ST3GAL4: variants seen among roughly 807,000 people sequenced by gnomAD.
ST3GAL4 encodes CMP-N-acetylneuraminate-beta-galactosamide-alpha-2,3-sialyltransferase 4.
Under a neutral mutation model 42.6 loss-of-function variants are expected in ST3GAL4, and 24 were observed. That is an observed-to-expected ratio of 0.56 (90% confidence interval 0.41 to 0.79). The LOEUF is 0.79. Ranked by LOEUF, ST3GAL4 falls within the 30% of genes least tolerant of loss-of-function variation. ST3GAL4 has a pLI of 0.00. For missense variants in ST3GAL4, 311 were observed against 430.8 expected (o/e 0.72, Z 2.46); for synonymous variants, 135 against 163.2 (o/e 0.83, Z 1.32).
At chr11:126,401,166 C>A (rs1953973407) in intron 1 of ST3GAL4, among the ~76,000 whole-genome samples, 1 of 152,036 alleles carries the variant, frequency 6.6e-6, no homozygotes, top group Non-Finnish European at 1.5e-5. Context: ...GAGCTCGAAT[C>A]ATCAGTGTAT....
At chr11:126,360,204 G>A (rs180820357) in intron 1 of ST3GAL4, among the ~76,000 whole-genome samples, 124 of 152,328 alleles carry the variant, frequency 8.1e-4, no homozygotes, top group African/African-American at 2.9e-3. Context: ...GGGGCCAGCC[G>A]GGGTATACCC....
Position 126,413,514 on chromosome 11 carries a change from A to G in ST3GAL4, c.781A>G (p.Thr261Ala). 6.2e-7 allele frequency: 1 copy of G among 1,614,124 alleles called. No individual in the cohort carries two copies. The highest frequency in any genetic ancestry group is 8.5e-7 in the Non-Finnish European group (1 of 1,180,020). The change falls in exon 10 of 11, where the codon ACG (threonine) becomes GCG (alanine). Residue 261 changes from threonine to alanine, a missense_variant. Coordinates refer to ENST00000444328, the MANE Select transcript of ST3GAL4 (RefSeq NM_001254757.2). ...QPRKIKQKPT[T>A]GLLAITLALH... ...TGCCCCTGTTCCTCAGAAGCCCACC[A>G]CGGGCCTGTTGGCCATCACGCTGGC...
intron 1 of ST3GAL4, among the ~76,000 whole-genome samples, chr11:126,375,931 GA>G (rs1952820867): frequency 1.4e-5 from 2 of 143,202 alleles, no homozygotes; most frequent in African/African-American, 5.2e-5. Context: ...CGCACAAAGT[GA>G]ACGTGCAGTA....
At chr11:126,389,429 T>TA (rs1953381925) in intron 1 of ST3GAL4, among the ~76,000 whole-genome samples, 1 of 152,212 alleles carries the variant, frequency 6.6e-6, no homozygotes, top group Non-Finnish European at 1.5e-5. Flanking sequence ...AGAATATAAT[T>TA]ATCACTTAAA....
At chr11:126,403,755 G>A (rs1220273390) in intron 1 of ST3GAL4, among the ~76,000 whole-genome samples, 1 of 152,166 alleles carries the variant, frequency 6.6e-6, no homozygotes, top group African/African-American at 2.4e-5. Context: ...AGGGATCCTG[G>A]TTCGGAGCAC....
rs117502023 is a variant in ST3GAL4 at position 126,373,068 on chromosome 11, A to G, written c.-61+17226A>G. On this transcript the variant is annotated intron_variant, in intron 1 of 10. Coordinates refer to ENST00000444328, the MANE Select transcript of ST3GAL4 (RefSeq NM_001254757.2). The surrounding 1 kb of genome is among the most constrained non-coding windows in gnomAD (Gnocchi z 5.5). ...AGTATTTGTTGATTACATGCACTGT[A>G]CCTGACTTGTTTAAAGCCTGATGTC... Among the ~76,000 whole-genome samples, 320 of 152,310 alleles carry G rather than the reference A, an allele frequency of 2.1e-3. No homozygotes were observed. The highest frequency in any genetic ancestry group is 3.5e-3 in the Non-Finnish European group (239 of 68,030).
rs1475206953 is a variant in ST3GAL4 at position 126,408,295 on chromosome 11, C to T, written c.438-12C>T. The T allele has an allele frequency of 1.2e-6, 2 of 1,613,270 alleles. No individual in the cohort carries two copies. The highest frequency in any genetic ancestry group is 1.7e-6 in the Non-Finnish European group (2 of 1,179,348). ...GGCCTCTAGTGATGGGAATCCTCCT[C>T]CCAACCCCCAGATTGAACAATGCCC... On this transcript the variant is annotated splice_polypyrimidine_tract_variant and intron_variant, in intron 7 of 10. Transcript: ENST00000444328.
rs1358531763 is a variant in ST3GAL4 at position 126,392,157 on chromosome 11, G to T, written c.-60-13939G>T. ...TACCCCTTTTCACTGGCTCCTCCTGGAGGCCACATGTACCTTGCGCTTCCT... is the reference window on the plus strand; with the variant it reads ...TACCCCTTTTCACTGGCTCCTCCTGTAGGCCACATGTACCTTGCGCTTCCT... On this transcript the variant is annotated intron_variant, in intron 1 of 10. Coordinates refer to ENST00000444328, the MANE Select transcript of ST3GAL4 (RefSeq NM_001254757.2). The surrounding 1 kb of genome is among the most constrained non-coding windows in gnomAD (Gnocchi z 5.8). The T allele has an allele frequency of 5.0e-6, 1 of 201,820 alleles. No homozygotes were observed. Among genetic ancestry groups the T allele is most frequent in the Admixed American group, 6.5e-5 (1 of 15,318 alleles). The allele number at this position is 201,820 out of a possible 1,614,324, so 12.5% of individuals were successfully genotyped here.
chr11:126,365,904 C>T (rs1349410779), intron 1 of ST3GAL4, among the ~76,000 whole-genome samples: 1 of 152,166 alleles, frequency 6.6e-6, no homozygotes, highest in Non-Finnish European at 1.5e-5. Context: ...TCTGCAGTAC[C>T]CTCGGCCAAA....
At chr11:126,404,408 C>T (rs1452405212) in intron 1 of ST3GAL4, among the ~76,000 whole-genome samples, 1 of 152,226 alleles carries the variant, frequency 6.6e-6, no homozygotes, top group Non-Finnish European at 1.5e-5. Context: ...CAGCATGCTA[C>T]ATGTGGGACT....
chr11:126,395,473 A>G (rs1426543583), intron 1 of ST3GAL4, among the ~76,000 whole-genome samples: 2 of 152,126 alleles, frequency 1.3e-5, no homozygotes, highest in Non-Finnish European at 2.9e-5. Flanking sequence ...GAGCATGCCT[A>G]GCTAGCCCCC....
chr11:126,390,017 CAAAA>C (rs57306343), intron 1 of ST3GAL4, among the ~76,000 whole-genome samples: 17 of 114,636 alleles, frequency 1.5e-4, no homozygotes, highest in African/African-American at 5.4e-4. Context: ...GCTAAAAATA[CAAAA>C]AAAAAAAAAA....
rs1224433232 is a variant in ST3GAL4, at chr11:126,386,418, C to T, written c.-60-19678C>T. Among the ~76,000 whole-genome samples, 2 of 152,096 alleles carry T rather than the reference C, an allele frequency of 1.3e-5. No homozygotes were observed. Among genetic ancestry groups the T allele is most frequent in the East Asian group, 1.9e-4 (1 of 5,168 alleles). ...CTCCTGTTTCTGCTGACCTGTCCAG[C>T]CTCACAGTCTGGGGAGGCCTTGGGG... On this transcript the variant is annotated intron_variant, in intron 1 of 10. Coordinates refer to ENST00000444328, the MANE Select transcript of ST3GAL4 (RefSeq NM_001254757.2). This position sits in a 1 kb window ranked among gnomAD's most constrained non-coding sequence, Gnocchi z 4.7.
chr11:126,394,253 G>A (rs1327594521), intron 1 of ST3GAL4, among the ~76,000 whole-genome samples: 3 of 152,212 alleles, frequency 2.0e-5, no homozygotes, highest in East Asian at 1.9e-4. Context: ...AGGAGCGCCC[G>A]GGAGCCCCTG....
Position 126,384,149 on chromosome 11 carries a change from C to T in ST3GAL4, c.-60-21947C>T, listed in dbSNP as rs1220979176. Among the ~76,000 whole-genome samples the T allele has an allele frequency of 5.9e-5, 9 of 152,336 alleles. No homozygotes were observed. The highest frequency in any genetic ancestry group is 1.4e-4 in the African/African-American group (6 of 41,578). On this transcript the variant is annotated intron_variant, in intron 1 of 10. Transcript: ENST00000444328. The surrounding 1 kb of genome is among the most constrained non-coding windows in gnomAD (Gnocchi z 5.5). ...TTCAGGTGTGGACCCTTGGACCCTCCGCTGCACAGTTCCAGAAACTTGTTC... is the reference window on the plus strand; with the variant it reads ...TTCAGGTGTGGACCCTTGGACCCTCTGCTGCACAGTTCCAGAAACTTGTTC...
chr11:126,377,047 A>G (rs1952850306), intron 1 of ST3GAL4, among the ~76,000 whole-genome samples: 1 of 152,248 alleles, frequency 6.6e-6, no homozygotes, highest in Non-Finnish European at 1.5e-5. Context: ...AAAGATTCCC[A>G]GGAGCCAAGA....
In ST3GAL4 at chr11:126,413,583, C is replaced by A; in HGVS notation, c.850C>A (p.Pro284Thr). The stretch of plus-strand genomic sequence containing the variant: ...GGTGCACATTGCCGGCTTTGGCTAC[C>A]CAGACGCCTACAACAAGAAGCAGAC... ...DLVHIAGFGY[P>T]DAYNKKQTIH... The change falls in exon 10 of 11, where the codon CCA (proline) becomes ACA (threonine). Residue 284 changes from proline to threonine, a missense_variant. Transcript: ENST00000444328. 6.2e-7 allele frequency: 1 copy of A among 1,614,274 alleles called. No individual in the cohort carries two copies. Among genetic ancestry groups the A allele is most frequent in the Non-Finnish European group, 8.5e-7 (1 of 1,180,056 alleles).
chr11:126,377,268 T>G (rs1282824924), intron 1 of ST3GAL4, among the ~76,000 whole-genome samples: 1 of 151,942 alleles, frequency 6.6e-6, no homozygotes, highest in Non-Finnish European at 1.5e-5. Context: ...CCTCCCAGGT[T>G]CAAGTGATTC....
At chr11:126,357,816 C>T (rs1320100254) in intron 1 of ST3GAL4, among the ~76,000 whole-genome samples, 1 of 152,240 alleles carries the variant, frequency 6.6e-6, no homozygotes, top group African/African-American at 2.4e-5. Flanking sequence ...CTCTGGGTCT[C>T]TCCTCAGAGA....
Sources: gnomAD v4.1 joint callset for allele counts (sites outside exome capture counted in the v4.1 genomes callset) on GRCh38, gnomAD v4.1.1 for gene constraint, Gnocchi (gnomAD v3.1) non-coding constraint, MANE v1.5 for transcripts, NCBI Gene and HGNC (gene_info 2026-07-23, HGNC 2026-07-21) for gene names.